Variants in NIPBL observed in about 807,000 individuals in gnomAD.
NIPBL encodes the protein nipped-B-like protein.
Under a neutral mutation model 321.8 loss-of-function variants are expected in NIPBL, and 19 were observed. The ratio of observed to expected loss-of-function variants is 0.06; its 90% CI spans 0.04 to 0.09. NIPBL has a LOEUF of 0.09. Among genes scored for constraint, NIPBL ranks in the 10% least tolerant of loss-of-function variants. NIPBL has a pLI of 1.00. For synonymous variants in NIPBL, 1,106 were observed against 1,114.1 expected (o/e 0.99, Z 0.14); for missense variants, 2,210 against 3,327.0 (o/e 0.66, Z 8.26).
intron 34 of NIPBL, among the ~76,000 whole-genome samples, chr5:37,040,013 T>C (rs1455585481): frequency 6.6e-6 from 1 of 152,138 alleles, no homozygotes; most frequent in Non-Finnish European, 1.5e-5. Flanking sequence ...ACTATTATGA[T>C]CTCAGTTTTA....
chr5:36,886,139 A>G (rs1293823388), intron 1 of NIPBL: 2 of 648,682 alleles, frequency 3.1e-6, no homozygotes, highest in South Asian at 3.1e-5. Context: ...TCTGGACTTG[A>G]TAAGAAATCT....
At chr5:36,981,555 C>A (rs1213789463) in intron 9 of NIPBL, among the ~76,000 whole-genome samples, 1 of 151,640 alleles carries the variant, frequency 6.6e-6, no homozygotes, top group Non-Finnish European at 1.5e-5. Context: ...TCTTTTTGCT[C>A]ATACTTTTAG....
intron 10 of NIPBL, among the ~76,000 whole-genome samples, chr5:36,991,923 CAG>C (rs1388036987): frequency 1.3e-5 from 2 of 151,928 alleles, no homozygotes; most frequent in Non-Finnish European, 1.5e-5. Context: ...AAAAAGAAAA[CAG>C]AACACATTGT....
At position 36,917,858 on chromosome 5, in the gene NIPBL, G is replaced by T. The variant is rs551991848; in HGVS notation, c.-79-35760G>T. On this transcript the variant is annotated intron_variant, in intron 1 of 46. Transcript: ENST00000282516. The stretch of plus-strand genomic sequence containing the variant: ...TAGATGTGTGGTATTATTTCTGAGG[G>T]CTCTGTTCTGTTCCATTGGTCTATA... Among the ~76,000 whole-genome samples, 260 of 151,852 alleles carry T rather than the reference G, an allele frequency of 1.7e-3. 1 individual carries two copies. Among genetic ancestry groups the T allele is most frequent in the African/African-American group, 6.0e-3 (246 of 41,324 alleles).
Position 37,064,090 on chromosome 5 carries a change from G to A in NIPBL, c.8049+112G>A, listed in dbSNP as rs1755109868. 12 of 1,479,258 alleles carry A rather than the reference G, an allele frequency of 8.1e-6. No individual in the cohort carries two copies. The Admixed American group carries it at 1.3e-4, about 15-fold the overall frequency. 91.6% of individuals were successfully genotyped at this position (1,479,258 alleles called of 1,614,324 possible). A position where few individuals can be genotyped will look rare whatever the true frequency, so the allele number is the denominator to read the frequency against. On this transcript the variant is annotated intron_variant, in intron 46 of 46. Coordinates refer to ENST00000282516, the MANE Select transcript of NIPBL (RefSeq NM_133433.4). Reference sequence around the variant, plus strand: ...ACACCAAGTAATGTAATACTTAAAAGAGAAAACATTTTGTAGATAGAGATT... The same window carrying A: ...ACACCAAGTAATGTAATACTTAAAAAAGAAAACATTTTGTAGATAGAGATT...
intron 1 of NIPBL, among the ~76,000 whole-genome samples, chr5:36,913,702 T>C (rs1210182565): frequency 6.6e-6 from 1 of 152,200 alleles, no homozygotes; most frequent in African/African-American, 2.4e-5. Context: ...TTGCATGTGG[T>C]AGCATATTAG....
At chr5:36,991,799 C>G (rs368042513) in intron 10 of NIPBL, among the ~76,000 whole-genome samples, 143 of 139,950 alleles carry the variant, frequency 1.0e-3, no homozygotes, top group Middle Eastern at 3.6e-3. Context: ...ATGTGAGGCT[C>G]TTAGTTTTGT....
At chr5:36,913,060 T>C (rs989434416) in intron 1 of NIPBL, among the ~76,000 whole-genome samples, 4 of 152,178 alleles carry the variant, frequency 2.6e-5, no homozygotes, top group African/African-American at 7.2e-5. Flanking sequence ...TAAAGGAGAC[T>C]AAAAGAGACG....
At chr5:37,056,932 A>G (rs1274155259) in intron 42 of NIPBL, among the ~76,000 whole-genome samples, 1 of 151,892 alleles carries the variant, frequency 6.6e-6, no homozygotes, top group Non-Finnish European at 1.5e-5. Context: ...ATTTTATAAA[A>G]TTCCATTTCT....
chr5:36,889,104 G>C (rs1314935094), intron 1 of NIPBL, among the ~76,000 whole-genome samples: 1 of 152,070 alleles, frequency 6.6e-6, no homozygotes, highest in African/African-American at 2.4e-5. Flanking sequence ...TGGGGACATA[G>C]GACTAATTAG....
chr5:36,920,573 C>T (rs1294406632), intron 1 of NIPBL, among the ~76,000 whole-genome samples: 3 of 152,170 alleles, frequency 2.0e-5, no homozygotes, highest in Non-Finnish European at 4.4e-5. Context: ...TGAAAATTAT[C>T]AGACTTCCAC....
intron 1 of NIPBL, chr5:36,885,506 G>A (rs1402739676): frequency 1.2e-5 from 6 of 508,754 alleles, no homozygotes; most frequent in Non-Finnish European, 2.3e-5. Flanking sequence ...GAGGAGCCTA[G>A]AGACCAAGAA....
chr5:37,063,848 C>T lies in NIPBL; in HGVS notation c.7919C>T (p.Ser2640Leu). The part of the protein sequence containing the change: ...PDEEEEEGEV[S>L]ASTNARNKAI... ...GAAGAAGAAGAAGAAGGGGAGGTTT[C>T]AGCTAGCACAAATGCTCGGAACAAA... The change falls in exon 46 of 47, where the codon TCA becomes TTA. Residue 2640 changes from serine (S) to leucine (L), a missense_variant. Transcript: ENST00000282516. 1 of 1,614,034 alleles carries T rather than the reference C, an allele frequency of 6.2e-7. No homozygotes were observed. Among genetic ancestry groups the T allele is most frequent in the Non-Finnish European group, 8.5e-7 (1 of 1,179,986 alleles).
chr5:37,047,320 G>T (rs1226744167), intron 38 of NIPBL, among the ~76,000 whole-genome samples: 1 of 152,112 alleles, frequency 6.6e-6, no homozygotes, highest in Non-Finnish European at 1.5e-5. Flanking sequence ...ACTTTAATCT[G>T]CATGAGTAGT....
rs574491118 is a variant in NIPBL, at chr5:37,012,622, C to T, written c.4561-2061C>T. On this transcript the variant is annotated intron_variant, in intron 21 of 46. Coordinates refer to ENST00000282516, the MANE Select transcript of NIPBL (RefSeq NM_133433.4). ...GACCCTGCGGCCTTCCGGCCTTCCG[C>T]AGTGTTTGTGTCCCTGGGTACTTGA... Among the ~76,000 whole-genome samples, 1,227 of 152,086 alleles carry T rather than the reference C, an allele frequency of 8.1e-3. 5 individuals are homozygous for T. Among genetic ancestry groups the T allele is most frequent in the African/African-American group, 0.028 (1,166 of 41,524 alleles).
intron 6 of NIPBL, among the ~76,000 whole-genome samples, chr5:36,970,585 A>G (rs1742747046): frequency 6.6e-6 from 1 of 151,952 alleles, no homozygotes; most frequent in African/African-American, 2.4e-5. Context: ...TAGGCAGAAT[A>G]AACTCAGATC....
chr5:36,995,526 A>G (rs907389588), intron 10 of NIPBL, 96 bp from the exon 11 acceptor site: 4 of 796,128 alleles, frequency 5.0e-6, no homozygotes, highest in Non-Finnish European at 8.2e-6. Flanking sequence ...TGATTTAGAA[A>G]ACAAATACTA....
At chr5:37,016,194 T>G (rs368177412) in intron 23 of NIPBL, 24 bp downstream of exon 23, 2 of 1,609,160 alleles carry the variant, frequency 1.2e-6, no homozygotes, top group Non-Finnish European at 1.7e-6. Context: ...ATTTAAAGAT[T>G]ATTAGATTAC....
intron 1 of NIPBL, among the ~76,000 whole-genome samples, chr5:36,892,671 A>G (rs1746430441): frequency 6.6e-6 from 1 of 152,144 alleles, no homozygotes; most frequent in Admixed American, 6.5e-5. Context: ...CATCATTCTC[A>G]GGGAACTATT....
Sources: gnomAD v4.1 joint callset for allele counts (sites outside exome capture counted in the v4.1 genomes callset) on GRCh38, gnomAD v4.1.1 for gene constraint, MANE v1.5 for transcripts, NCBI Gene and HGNC (gene_info 2026-07-23, HGNC 2026-07-21) for gene names.